TALDO1: variants seen among roughly 807,000 people sequenced by gnomAD.
TALDO1 encodes the protein transaldolase 1.
In TALDO1, 29 loss-of-function variants were observed where a neutral mutation model predicts 38.1. That is an observed-to-expected ratio of 0.76 (90% confidence interval 0.57 to 1.04). TALDO1 has a LOEUF of 1.04. Among genes scored for constraint, TALDO1 ranks in the 50% least tolerant of loss-of-function variants. TALDO1 has a pLI of 0.00. For missense variants in TALDO1, 499 were observed against 438.1 expected, an observed-to-expected ratio of 1.14 and a Z score of -1.24; for synonymous variants, 207 against 176.8, an observed-to-expected ratio of 1.17 and a Z score of -1.36.
At chr11:755,536 C>T (rs1862820833) in intron 1 of TALDO1, among the ~76,000 whole-genome samples, 1 of 152,150 alleles carries the variant, frequency 6.6e-6, no homozygotes, top group Admixed American at 6.5e-5. Context: ...GACTAGACCG[C>T]GCGCCTCCTT....
At chr11:747,709 A>G (rs979811772) in intron 1 of TALDO1, 131 bp downstream of exon 1, 4 of 784,402 alleles carry the variant, frequency 5.1e-6, no homozygotes, top group Non-Finnish European at 7.8e-6. Flanking sequence ...TCCGGGAGGA[A>G]TGAGCGCAGG....
At chr11:762,246 G>C (rs1030356603) in intron 4 of TALDO1, among the ~76,000 whole-genome samples, 1 of 152,156 alleles carries the variant, frequency 6.6e-6, no homozygotes, top group African/African-American at 2.4e-5. Flanking sequence ...TCACAGGTTT[G>C]AGCCACTGCA....
intron 1 of TALDO1, among the ~76,000 whole-genome samples, chr11:755,323 T>C (rs1862815437): frequency 6.6e-6 from 1 of 152,034 alleles, no homozygotes; most frequent in Admixed American, 6.6e-5. Context: ...TTTTTGTATT[T>C]TTAGTAGAGA....
Position 764,289 on chromosome 11 carries a change from C to T in TALDO1, c.837C>T (p.Ala279=). 1 of 1,614,178 alleles carries T rather than the reference C, an allele frequency of 6.2e-7. No individual in the cohort carries two copies. Among genetic ancestry groups the T allele is most frequent in the Middle Eastern group, 1.7e-4 (1 of 6,060 alleles). ...KLVPVLSAKA[A]QASDLEKIHL... is the part of the protein sequence containing the mutation. ...GGAAGGCTGGTTCTTGTCCCCCAGC[C>T]CAAGCCAGTGACCTGGAAAAAATCC... The change falls in exon 7 of 8, where the codon GCC becomes GCT. Residue 279 remains alanine, a splice_region_variant and synonymous_variant. Transcript: ENST00000319006.
chr11:754,269 G>C (rs1862797140), intron 1 of TALDO1, among the ~76,000 whole-genome samples: 1 of 152,122 alleles, frequency 6.6e-6, no homozygotes, highest in Non-Finnish European at 1.5e-5. Flanking sequence ...ACAGGTGTGA[G>C]CCACTGTGCC....
chr11:761,534 T>A (rs970649183), intron 4 of TALDO1, among the ~76,000 whole-genome samples: 28 of 151,850 alleles, frequency 1.8e-4, no homozygotes, highest in African/African-American at 6.3e-4. Flanking sequence ...ACGTTCAGAG[T>A]GGAAGAGACA....
chr11:758,973 A>T lies in TALDO1; in HGVS notation c.245A>T (p.Asn82Ile), dbSNP rs910828121. The T allele has an allele frequency of 1.9e-6, 3 of 1,612,398 alleles. No individual in the cohort carries two copies. The African/African-American group carries it at 4.0e-5, about 22-fold the overall frequency. The part of the protein sequence containing the change: ...LGGSQEDQIK[N>I]AIDKLFVLFG... ...AGGTCACAAGAGGACCAGATTAAAA[A>T]TGCTATTGATAAACTTTTTGTGTTG... Residue 82 changes from asparagine (N) to isoleucine (I), a missense_variant, in exon 3 of 8, where the codon AAT (asparagine) becomes ATT (isoleucine). Transcript: ENST00000319006.
chr11:748,806 C>G (rs143264936), intron 1 of TALDO1, among the ~76,000 whole-genome samples: 8 of 152,306 alleles, frequency 5.3e-5, no homozygotes, highest in African/African-American at 1.2e-4. Flanking sequence ...CACACACAGC[C>G]CCCCCGTTGT....
intron 1 of TALDO1, among the ~76,000 whole-genome samples, chr11:749,597 G>A (rs760789643): frequency 5.3e-5 from 8 of 152,184 alleles, no homozygotes; most frequent in Admixed American, 2.0e-4. Flanking sequence ...ACAGGCCTCT[G>A]GAAATAGAAT....
intron 7 of TALDO1, 42 bp downstream of exon 7, chr11:764,475 G>A (rs1473200437): frequency 6.2e-7 from 1 of 1,601,174 alleles, no homozygotes; most frequent in Non-Finnish European, 8.5e-7. Flanking sequence ...CAAGCCCTAT[G>A]AGAGCCCGGG....
chr11:762,734 G>A (rs1862960162), intron 4 of TALDO1, among the ~76,000 whole-genome samples: 1 of 152,262 alleles, frequency 6.6e-6, no homozygotes, highest in South Asian at 2.1e-4. Context: ...CTCCGTCCTT[G>A]GGGATCAACC....
At chr11:764,098 TA>T in intron 6 of TALDO1, 154 bp downstream of exon 6, 1 of 1,345,404 alleles carries the variant, frequency 7.4e-7, no homozygotes, top group Non-Finnish European at 1.0e-6. Flanking sequence ...TTGGCTTTCC[TA>T]ACACATCTCA....
At position 764,395 on chromosome 11, in the gene TALDO1, T is replaced by A; in HGVS notation, c.943T>A (p.Phe315Ile). Reference protein sequence around the residue: ...VEKLSDGIRKFAADAVKLERM... With the variant: ...VEKLSDGIRKIAADAVKLERM... ...GAAGCTCTCTGACGGGATCCGCAAG[T>A]TTGCCGCTGATGCAGTGAAGCTGGA... The change falls in exon 7 of 8, where the codon TTT becomes ATT. Residue 315 changes from phenylalanine to isoleucine, a missense_variant. Transcript: ENST00000319006. 2 of 1,612,694 alleles carry A rather than the reference T, an allele frequency of 1.2e-6. No homozygotes were observed. The highest frequency in any genetic ancestry group is 1.7e-6 in the Non-Finnish European group (2 of 1,179,058).
chr11:764,496 G>C, intron 7 of TALDO1, 63 bp downstream of exon 7: 1 of 1,586,746 alleles, frequency 6.3e-7, no homozygotes, highest in Non-Finnish European at 8.6e-7. Context: ...CCTGGGCGTC[G>C]GGGTTCAAGC....
In TALDO1 at chr11:756,040, T is replaced by C. The variant is rs756210384; in HGVS notation, c.221+38T>C. 2.2e-5 allele frequency: 35 copies of C among 1,601,130 alleles called. No individual in the cohort carries two copies. In the African/African-American group the frequency reaches 4.0e-4, roughly 18 times the overall value. On this transcript the variant is annotated intron_variant, in intron 2 of 7. Transcript: ENST00000319006. ...ACTCGGGAGGGTCCCAGCTAGGCCCTCGTGCTAGTCTAGTTGGCCTTGCTT... is the reference window on the plus strand; with the variant it reads ...ACTCGGGAGGGTCCCAGCTAGGCCCCCGTGCTAGTCTAGTTGGCCTTGCTT...
rs774690647 is a variant in TALDO1 at position 747,473 on chromosome 11, G to T, written c.-9G>T. On this transcript the variant is annotated 5_prime_UTR_variant, in exon 1 of 8. Transcript: ENST00000319006. Reference sequence around the variant, plus strand: ...CCGCCGCCGCCGCCGCAGACCCCTCGGTCTTGCTATGTCGAGCTCACCCGT... The same window carrying T: ...CCGCCGCCGCCGCCGCAGACCCCTCTGTCTTGCTATGTCGAGCTCACCCGT... The T allele has an allele frequency of 1.1e-5, 18 of 1,578,576 alleles. No homozygotes were observed. Among genetic ancestry groups the T allele is most frequent in the Non-Finnish European group, 1.5e-5 (18 of 1,165,696 alleles).
At chr11:759,594 T>G (rs970466181) in intron 3 of TALDO1, among the ~76,000 whole-genome samples, 3 of 151,902 alleles carry the variant, frequency 2.0e-5, no homozygotes, top group Non-Finnish European at 4.4e-5. Flanking sequence ...TTTTGTTTGT[T>G]TTTTGAGACA....
chr11:760,691 T>C (rs1862912388), intron 4 of TALDO1: 1 of 213,316 alleles, frequency 4.7e-6, no homozygotes, highest in African/African-American at 2.3e-5. Flanking sequence ...GAGGATCACT[T>C]GAGCCCAGGA....
At chr11:754,726 C>T (rs1862803964) in intron 1 of TALDO1, among the ~76,000 whole-genome samples, 2 of 152,208 alleles carry the variant, frequency 1.3e-5, no homozygotes, top group Non-Finnish European at 2.9e-5. Flanking sequence ...CCAGCCTCAG[C>T]CTCCCAAAAT....
Sources: gnomAD v4.1 joint callset for allele counts (sites outside exome capture counted in the v4.1 genomes callset) on GRCh38, gnomAD v4.1.1 for gene constraint, MANE v1.5 for transcripts, NCBI Gene and HGNC (gene_info 2026-07-23, HGNC 2026-07-21) for gene names.